Variants in SRPRA observed in about 807,000 individuals in gnomAD.
The protein encoded by SRPRA is SRP receptor subunit alpha.
In SRPRA, 30 loss-of-function variants were observed where a neutral mutation model predicts 61.1. That is an observed-to-expected ratio of 0.49 (90% confidence interval 0.37 to 0.67). The LOEUF (loss-of-function observed/expected upper bound fraction) is 0.67, where lower values mean the gene tolerates loss of function less well. SRPRA is among the 30% of genes least tolerant of loss of function. SRPRA has a pLI of 0.00. For missense variants in SRPRA, 759 were observed against 828.4 expected (o/e 0.92, Z 1.03); for synonymous variants, 324 against 299.7 (o/e 1.08, Z -0.84).
chr11:126,262,319 A>T, downstream of SRPRA: 57 of 497,074 alleles, frequency 1.1e-4, no homozygotes, highest in Middle Eastern at 3.2e-4. Context: ...GGTTCTTGAT[A>T]TTCTGCCGCC....
At chr11:126,262,557 TA>T (rs1950723358), downstream of SRPRA, 1 of 177,028 alleles carries the variant, frequency 5.6e-6, no homozygotes, top group Non-Finnish European at 1.2e-5. Flanking sequence ...ATGGCTTTTT[TA>T]AAACATGACT....
downstream of SRPRA, chr11:126,262,447 C>G (rs1353471994): frequency 2.7e-6 from 1 of 376,946 alleles, no homozygotes; most frequent in African/African-American, 2.1e-5. Flanking sequence ...CACTGACCGG[C>G]TGCAGCTCTG....
Position 126,267,001 on chromosome 11 carries a change from G to T in SRPRA, c.527-79C>A, listed in dbSNP as rs1039267362. 19 of 1,550,178 alleles carry T rather than the reference G, an allele frequency of 1.2e-5. No homozygotes were observed. In the Admixed American group the frequency reaches 2.8e-4, roughly 23 times the overall value. On this transcript the variant is annotated intron_variant, in intron 4 of 13. Transcript: ENST00000332118. This position sits in a 1 kb window ranked among gnomAD's most constrained non-coding sequence, Gnocchi z 4.2. ...ACAATGGCTAAAAGTCTTCCAAATT[G>T]TTCAAAGGAAATTTGGACCAAACAT... is the stretch of plus-strand genomic sequence containing the variant.
In SRPRA at chr11:126,264,442, G is replaced by A. The variant is rs752863176; in HGVS notation, c.1623C>T (p.Val541=). 1.2e-6 allele frequency: 2 copies of A among 1,614,218 alleles called. No individual in the cohort carries two copies. The highest frequency in any genetic ancestry group is 1.7e-6 in the Non-Finnish European group (2 of 1,180,040). ...LMTALAKLIT[V]NTPDLVLFVG... Reference sequence around the variant, plus strand: ...CAAACAGCACCAAATCAGGTGTATTGACAGTAATGAGTTTGGCCAGGGCAG... The same window carrying A: ...CAAACAGCACCAAATCAGGTGTATTAACAGTAATGAGTTTGGCCAGGGCAG... The change falls in exon 12 of 14, where the codon GTC becomes GTT. Residue 541 remains valine (V), a synonymous_variant. Coordinates refer to ENST00000332118, the MANE Select transcript of SRPRA (RefSeq NM_003139.4). This position sits in a 1 kb window ranked among gnomAD's most constrained non-coding sequence, Gnocchi z 5.0.
chr11:126,237,893 G>GAGGATATC, the SRPRA span, among the ~76,000 whole-genome samples: 6 of 149,994 alleles, frequency 4.0e-5, no homozygotes, highest in Non-Finnish European at 8.9e-5. Flanking sequence ...AAATATATGT[G>GAGGATATC]AGGATATCAT....
At chr11:126,260,155 C>T (rs1950658270), downstream of SRPRA, among the ~76,000 whole-genome samples, 4 of 152,142 alleles carry the variant, frequency 2.6e-5, no homozygotes, top group Admixed American at 2.6e-4. Flanking sequence ...ACCTCAGCCT[C>T]CCGAGTAGCT....
chr11:126,261,279 CCTT>C (rs1950692060), downstream of SRPRA: 1 of 645,138 alleles, frequency 1.6e-6, no homozygotes, highest in South Asian at 1.9e-5. Flanking sequence ...CTCTCTGCCT[CCTT>C]ATCTTCTCAA....
chr11:126,258,972 G>A (rs561970255), downstream of SRPRA, among the ~76,000 whole-genome samples: 1 of 152,272 alleles, frequency 6.6e-6, no homozygotes, highest in South Asian at 2.1e-4. Flanking sequence ...AGCTGTGTAG[G>A]CTTCCTACCA....
At position 126,263,862 on chromosome 11, in the gene SRPRA, C is replaced by T; in HGVS notation, c.*54G>A. ...CATACTCTAAAGCACATTCTTGATACAGGAAGAAGGGCTTGTGGGGAAAGC... is the reference window on the plus strand; with the variant it reads ...CATACTCTAAAGCACATTCTTGATATAGGAAGAAGGGCTTGTGGGGAAAGC... On this transcript the variant is annotated 3_prime_UTR_variant, in exon 14 of 14. Transcript: ENST00000332118. 6.2e-7 allele frequency: 1 copy of T among 1,604,052 alleles called. No individual in the cohort carries two copies. Among genetic ancestry groups the T allele is most frequent in the Admixed American group, 1.7e-5 (1 of 58,854 alleles).
At chr11:126,262,094 T>C, downstream of SRPRA, 1 of 1,613,978 alleles carries the variant, frequency 6.2e-7, no homozygotes, top group Non-Finnish European at 8.5e-7. Flanking sequence ...AAACTTCATT[T>C]TGTTCTCTTT....
rs770588769 is a variant in SRPRA, at chr11:126,267,141, C to T, written c.526+34G>A. 3 of 1,612,954 alleles carry T rather than the reference C, an allele frequency of 1.9e-6. No individual in the cohort carries two copies. The highest frequency in any genetic ancestry group is 2.5e-6 in the Non-Finnish European group (3 of 1,179,736). On this transcript the variant is annotated intron_variant, in intron 4 of 13. Transcript: ENST00000332118. The surrounding 1 kb of genome is among the most constrained non-coding windows in gnomAD (Gnocchi z 4.2). ...TCCTTAGCACCGTGTTAACACCTTT[C>T]ATGTCCCAGTATATCCAAAGAACTC... is the stretch of plus-strand genomic sequence containing the variant.
rs1056423173 is a variant in SRPRA, at chr11:126,264,099, C to T, written c.1789-55G>A. The T allele has an allele frequency of 1.2e-6, 2 of 1,613,278 alleles. No individual in the cohort carries two copies. Among genetic ancestry groups the T allele is most frequent in the African/African-American group, 2.7e-5 (2 of 74,910 alleles). Reference sequence around the variant, plus strand: ...CACAAGCCCACTTTTCACTCACCCTCTCAGGAACAGGAAGCGCTGGAGCCA... The same window carrying T: ...CACAAGCCCACTTTTCACTCACCCTTTCAGGAACAGGAAGCGCTGGAGCCA... On this transcript the variant is annotated intron_variant, in intron 13 of 13. Transcript: ENST00000332118. The surrounding 1 kb of genome is among the most constrained non-coding windows in gnomAD (Gnocchi z 5.0).
At chr11:126,246,485 C>T in the SRPRA span, among the ~76,000 whole-genome samples, 1 of 152,192 alleles carries the variant, frequency 6.6e-6, no homozygotes, top group Non-Finnish European at 1.5e-5. Context: ...TGGGATATTA[C>T]TTCCTTGTGT....
At chr11:126,247,037 G>A in the SRPRA span, among the ~76,000 whole-genome samples, 1 of 152,160 alleles carries the variant, frequency 6.6e-6, no homozygotes, top group South Asian at 2.1e-4. Context: ...ACACGCCTGT[G>A]GTCCCACCTA....
At chr11:126,241,899 C>T in the SRPRA span, among the ~76,000 whole-genome samples, 18 of 151,742 alleles carry the variant, frequency 1.2e-4, no homozygotes, top group Non-Finnish European at 1.9e-4. Flanking sequence ...GTGGTGGGCA[C>T]CTGTAATCCC....
chr11:126,266,713 A>C, intron 5 of SRPRA, 50 bp downstream of exon 5: 1 of 1,610,060 alleles, frequency 6.2e-7, no homozygotes, highest in Non-Finnish European at 8.5e-7. Flanking sequence ...CCTTGCACCC[A>C]TTGTGTCTAG....
downstream of SRPRA, among the ~76,000 whole-genome samples, chr11:126,257,986 C>T (rs964252337): frequency 1.3e-5 from 2 of 152,172 alleles, no homozygotes; most frequent in Admixed American, 6.6e-5. Context: ...CTCACATTGC[C>T]AGGCTCCAGA....
the SRPRA span, among the ~76,000 whole-genome samples, chr11:126,252,794 G>T: frequency 2.0e-5 from 3 of 152,146 alleles, no homozygotes; most frequent in African/African-American, 7.2e-5. The surrounding 1 kb of genome is among the most constrained non-coding windows in gnomAD (Gnocchi z 4.7). Context: ...CAGCATTTTG[G>T]GTGGCCGAGG....
chr11:126,249,560 G>C, the SRPRA span, among the ~76,000 whole-genome samples: 90 of 151,762 alleles, frequency 5.9e-4, no homozygotes, highest in African/African-American at 2.1e-3. Context: ...GTGAAACCCC[G>C]TCTCTACTAA....
Sources: allele counts gnomAD v4.1 joint callset (sites outside exome capture counted in the v4.1 genomes callset), GRCh38; gene constraint gnomAD v4.1.1; non-coding constraint Gnocchi (gnomAD v3.1); transcripts MANE v1.5; gene names NCBI Gene and HGNC (gene_info 2026-07-23, HGNC 2026-07-21).